NRG3: variants seen among roughly 807,000 people sequenced by gnomAD.
The protein encoded by NRG3 is pro-neuregulin-3, membrane-bound isoform.
A neutral mutation model predicts 66.9 loss-of-function variants in NRG3; 31 were observed. The observed-to-expected ratio is 0.46, with a 90% CI of 0.35 to 0.63. The LOEUF is 0.63. Among genes scored for constraint, NRG3 ranks in the 20% least tolerant of loss-of-function variants. The pLI, the probability that NRG3 is intolerant of heterozygous loss-of-function variation, is 0.00. For missense variants in NRG3, 910 were observed against 878.9 expected (o/e 1.04, Z -0.45); for synonymous variants, 393 against 359.4 (o/e 1.09, Z -1.06).
At chr10:82,444,546 T>C (rs1317525212) in intron 2 of NRG3, among the ~76,000 whole-genome samples, 1 of 152,108 alleles carries the variant, frequency 6.6e-6, no homozygotes, top group Non-Finnish European at 1.5e-5. Flanking sequence ...GAAGATGCAC[T>C]GATAGAAAAT....
intron 1 of NRG3, among the ~76,000 whole-genome samples, chr10:82,273,547 A>G (rs186205242): frequency 5.3e-5 from 8 of 152,216 alleles, no homozygotes; most frequent in African/African-American, 1.9e-4. Context: ...TGAAATTGCA[A>G]TAATTGAAGA....
At chr10:82,393,059 A>G (rs1042822927) in intron 2 of NRG3, among the ~76,000 whole-genome samples, 2 of 151,986 alleles carry the variant, frequency 1.3e-5, no homozygotes, top group African/African-American at 4.8e-5. Context: ...TGTTGATCAA[A>G]TGCTCTGACT....
rs570756009 is a variant in NRG3, at chr10:82,633,526, G to T, written c.954-105051G>T. The stretch of plus-strand genomic sequence containing the variant: ...AACGCCATTAATCATGATCTGGAGG[G>T]TGAGAAGAGAGGAGACAGATGCCCC... On this transcript the variant is annotated intron_variant, in intron 2 of 8. Transcript: ENST00000372141. Among the ~76,000 whole-genome samples the T allele has an allele frequency of 3.9e-5, 6 of 152,266 alleles. No homozygotes were observed. The South Asian group carries it at 1.2e-3, about 32-fold the overall frequency.
intron 2 of NRG3, among the ~76,000 whole-genome samples, chr10:82,447,594 A>C (rs1325589433): frequency 6.6e-6 from 1 of 151,042 alleles, no homozygotes; most frequent in Non-Finnish European, 1.5e-5. Flanking sequence ...CCACCCCCAG[A>C]TGCACACACA....
Position 82,825,378 on chromosome 10 carries a change from C to T in NRG3, c.1028-40033C>T, listed in dbSNP as rs145298484. Among the ~76,000 whole-genome samples the T allele has an allele frequency of 3.3e-5, 5 of 152,284 alleles. No individual in the cohort carries two copies. In the East Asian group the frequency reaches 9.6e-4, roughly 29 times the overall value. On this transcript the variant is annotated intron_variant, in intron 3 of 8. Transcript: ENST00000372141. Reference sequence around the variant, plus strand: ...CAGTTCTGATCATCCCAATACTTTACAGGTATTGCTCCCAAGTACACTACC... The same window carrying T: ...CAGTTCTGATCATCCCAATACTTTATAGGTATTGCTCCCAAGTACACTACC...
chr10:82,142,484 C>T (rs948934778), intron 1 of NRG3, among the ~76,000 whole-genome samples: 26 of 152,100 alleles, frequency 1.7e-4, no homozygotes, highest in Non-Finnish European at 5.9e-5. Flanking sequence ...AGTGGGAACA[C>T]GTGCTTCTGG....
chr10:82,495,894 C>T (rs1590347653), intron 2 of NRG3, among the ~76,000 whole-genome samples: 1 of 151,710 alleles, frequency 6.6e-6, no homozygotes, highest in East Asian at 1.9e-4. Context: ...GAATGTGAGA[C>T]TAAAAACATT....
At chr10:82,585,066 G>A (rs2046589607) in intron 2 of NRG3, among the ~76,000 whole-genome samples, 1 of 152,006 alleles carries the variant, frequency 6.6e-6, no homozygotes, top group African/African-American at 2.4e-5. Flanking sequence ...TAATAAAAAT[G>A]CGTCGAAGAC....
intron 1 of NRG3, among the ~76,000 whole-genome samples, chr10:82,033,128 G>A (rs945596656): frequency 1.3e-5 from 2 of 152,130 alleles, no homozygotes; most frequent in Non-Finnish European, 2.9e-5. Context: ...ACTGGCCTGG[G>A]CCATGGTGGA....
intron 2 of NRG3, among the ~76,000 whole-genome samples, chr10:82,713,154 AAGAC>A (rs1329384738): frequency 1.3e-5 from 2 of 151,332 alleles, no homozygotes; most frequent in Non-Finnish European, 2.9e-5. Context: ...AAAATCATAA[AAGAC>A]AGGCAAGAGG....
chr10:82,161,172 C>T (rs911577280), intron 1 of NRG3, among the ~76,000 whole-genome samples: 5 of 151,946 alleles, frequency 3.3e-5, no homozygotes, highest in African/African-American at 9.7e-5. Context: ...GTCAAATAAG[C>T]CATTGAGCCT....
intron 2 of NRG3, among the ~76,000 whole-genome samples, chr10:82,491,035 A>G (rs559046732): frequency 2.6e-5 from 4 of 151,782 alleles, no homozygotes; most frequent in East Asian, 1.9e-4. Context: ...AACATTTACA[A>G]TGGTCTTCTT....
At chr10:82,121,999 T>C (rs918924333) in intron 1 of NRG3, among the ~76,000 whole-genome samples, 1 of 152,104 alleles carries the variant, frequency 6.6e-6, no homozygotes, top group African/African-American at 2.4e-5. Flanking sequence ...AATATATGTT[T>C]TGCTTCTTTC....
intron 1 of NRG3, among the ~76,000 whole-genome samples, chr10:81,981,294 C>G (rs2060323838): frequency 6.6e-6 from 1 of 152,038 alleles, no homozygotes; most frequent in Non-Finnish European, 1.5e-5. Flanking sequence ...ATTGCTAAGA[C>G]AGGAATGGGA....
At chr10:82,164,906 A>G (rs1455843701) in intron 1 of NRG3, among the ~76,000 whole-genome samples, 1 of 152,126 alleles carries the variant, frequency 6.6e-6, no homozygotes, top group East Asian at 1.9e-4. Context: ...TATAGGAGTT[A>G]TTATAGTATT....
At chr10:82,726,728 A>G (rs113518028) in intron 2 of NRG3, among the ~76,000 whole-genome samples, 14,843 of 152,148 alleles carry the variant, frequency 0.098, 941 homozygotes, top group Middle Eastern at 0.18. Context: ...ATAACTGAAA[A>G]TTTGGAAATA....
At chr10:82,721,232 CG>C (rs1392404178) in intron 2 of NRG3, among the ~76,000 whole-genome samples, 1 of 144,226 alleles carries the variant, frequency 6.9e-6, no homozygotes, top group Non-Finnish European at 1.5e-5. Flanking sequence ...CCCAGGTTCA[CG>C]CCATTCGTCT....
chr10:82,957,390 A>G (rs1420884840), intron 5 of NRG3, among the ~76,000 whole-genome samples: 2 of 151,962 alleles, frequency 1.3e-5, no homozygotes, highest in South Asian at 2.1e-4. Context: ...AAGACCGGCC[A>G]TGTGCTCCAC....
intron 2 of NRG3, among the ~76,000 whole-genome samples, chr10:82,582,620 G>T (rs2046419345): frequency 6.6e-6 from 1 of 151,476 alleles, no homozygotes. Context: ...TCTGGACAAG[G>T]ACCAAAAAAG....
Sources: allele counts gnomAD v4.1 joint callset (sites outside exome capture counted in the v4.1 genomes callset), GRCh38; gene constraint gnomAD v4.1.1; transcripts MANE v1.5; gene names NCBI Gene and HGNC (gene_info 2026-07-23, HGNC 2026-07-21).